Variants in ARHGEF26 observed in about 807,000 individuals in gnomAD.
The protein encoded by ARHGEF26 is Rho guanine nucleotide exchange factor 26.
A neutral mutation model predicts 89.4 loss-of-function variants in ARHGEF26; 59 were observed. That is an observed-to-expected ratio of 0.66 (90% confidence interval 0.54 to 0.82). ARHGEF26 has a LOEUF of 0.82. ARHGEF26 is among the 40% of genes least tolerant of loss of function. The probability of loss-of-function intolerance (pLI) is 0.00; values close to 1 mark genes in which losing one functional copy is unlikely to be tolerated. For missense variants in ARHGEF26, 1,234 were observed against 1,085.6 expected, an observed-to-expected ratio of 1.14 and a Z score of -1.92; for synonymous variants, 500 against 428.4, an observed-to-expected ratio of 1.17 and a Z score of -2.06.
rs1221708260 is a variant in ARHGEF26, at chr3:154,255,746, T to G, written c.*273T>G. 1 of 1,230,060 alleles carries G rather than the reference T, an allele frequency of 8.1e-7. No homozygotes were observed. Among genetic ancestry groups the G allele is most frequent in the African/African-American group, 1.5e-5 (1 of 64,926 alleles). The allele number at this position is 1,230,060 out of a possible 1,614,324, so 76.2% of individuals were successfully genotyped here. On this transcript the variant is annotated 3_prime_UTR_variant, in exon 15 of 15. Coordinates refer to ENST00000465093, the MANE Select transcript of ARHGEF26 (RefSeq NM_015595.4). ...AGTTCACTTCAGGGATCAGGTCATC[T>G]CTGCTCCTCCTAGTTTCACCATGTT...
At chr3:154,134,241 AT>A (rs1718866280) in intron 4 of ARHGEF26, among the ~76,000 whole-genome samples, 2 of 151,908 alleles carry the variant, frequency 1.3e-5, no homozygotes, top group South Asian at 4.2e-4. Context: ...TTCCAGTACT[AT>A]TGTATTAGTC....
chr3:154,131,766 CCT>C (rs1186164731), intron 4 of ARHGEF26, among the ~76,000 whole-genome samples: 1 of 152,088 alleles, frequency 6.6e-6, no homozygotes, highest in East Asian at 1.9e-4. Flanking sequence ...TCAGTTACAC[CCT>C]GATCTCAGTT....
At chr3:154,172,555 G>T (rs976787711) in intron 6 of ARHGEF26, among the ~76,000 whole-genome samples, 1 of 152,146 alleles carries the variant, frequency 6.6e-6, no homozygotes, top group African/African-American at 2.4e-5. Flanking sequence ...TTAGCTGGGC[G>T]TGGTGGTGTG....
intron 11 of ARHGEF26, among the ~76,000 whole-genome samples, chr3:154,231,707 C>T (rs1487219560): frequency 6.6e-6 from 1 of 152,128 alleles, no homozygotes; most frequent in South Asian, 2.1e-4. Context: ...GCTGAAGGTA[C>T]GGCACGCTCT....
chr3:154,239,297 AGAGTGTGTGTGTGTGTGT>A (rs1559920635), intron 11 of ARHGEF26, among the ~76,000 whole-genome samples: 25 of 52,950 alleles, frequency 4.7e-4, no homozygotes, highest in African/African-American at 1.3e-3. Context: ...AGAGAGAGAG[AGAGTGTGTGTGTGTGTGT>A]GTGTGTGTGT....
At chr3:154,158,495 C>T (rs1182202294) in intron 6 of ARHGEF26, among the ~76,000 whole-genome samples, 1 of 152,122 alleles carries the variant, frequency 6.6e-6, no homozygotes, top group East Asian at 1.9e-4. Context: ...GAGCTAAATT[C>T]TTTAAATTTA....
chr3:154,165,921 C>G (rs1005826077), intron 6 of ARHGEF26, among the ~76,000 whole-genome samples: 1 of 152,176 alleles, frequency 6.6e-6, no homozygotes, highest in African/African-American at 2.4e-5. Context: ...CTTAGCTTTG[C>G]AGACATTACC....
At chr3:154,170,059 A>G (rs568513818) in intron 6 of ARHGEF26, among the ~76,000 whole-genome samples, 3 of 151,918 alleles carry the variant, frequency 2.0e-5, no homozygotes, top group South Asian at 4.2e-4. Flanking sequence ...TAGTTTAGCT[A>G]TAAGAAAAAA....
intron 4 of ARHGEF26, among the ~76,000 whole-genome samples, chr3:154,137,933 C>T (rs1462904194): frequency 2.0e-5 from 3 of 152,096 alleles, no homozygotes; most frequent in African/African-American, 7.2e-5. Flanking sequence ...GATAATGCTG[C>T]TCTCAATTTG....
chr3:154,139,219 C>T (rs1386216292), intron 4 of ARHGEF26, among the ~76,000 whole-genome samples: 4 of 152,092 alleles, frequency 2.6e-5, no homozygotes, highest in African/African-American at 7.2e-5. Flanking sequence ...TCTTGATCTC[C>T]TTTGTGGGTT....
At chr3:154,183,457 A>G (rs192257911) in intron 6 of ARHGEF26, among the ~76,000 whole-genome samples, 1 of 152,236 alleles carries the variant, frequency 6.6e-6, no homozygotes, top group African/African-American at 2.4e-5. Context: ...CGTAAGCCAA[A>G]TTATTTCATT....
intron 9 of ARHGEF26, among the ~76,000 whole-genome samples, chr3:154,200,491 A>G (rs1378347871): frequency 1.3e-5 from 2 of 151,986 alleles, no homozygotes; most frequent in African/African-American, 4.8e-5. Flanking sequence ...AGTCAGGTAA[A>G]GTCATTCTTC....
chr3:154,206,176 GT>G (rs1440930827), intron 9 of ARHGEF26, among the ~76,000 whole-genome samples: 1 of 152,150 alleles, frequency 6.6e-6, no homozygotes, highest in Non-Finnish European at 1.5e-5. Flanking sequence ...TATGGTAAAA[GT>G]TTTTTGCCTT....
At chr3:154,199,390 A>G (rs1334582056) in intron 9 of ARHGEF26, among the ~76,000 whole-genome samples, 2 of 152,054 alleles carry the variant, frequency 1.3e-5, no homozygotes, top group Non-Finnish European at 2.9e-5. Context: ...GCAAATGACT[A>G]GATATCATTC....
chr3:154,244,784 A>T (rs1717696925), intron 12 of ARHGEF26, among the ~76,000 whole-genome samples: 1 of 152,222 alleles, frequency 6.6e-6, no homozygotes, highest in East Asian at 1.9e-4. Context: ...AAGGCCATAC[A>T]GGAAGTGAGT....
chr3:154,146,904 A>G (rs1391287327), intron 4 of ARHGEF26, among the ~76,000 whole-genome samples: 3 of 152,244 alleles, frequency 2.0e-5, no homozygotes, highest in African/African-American at 7.2e-5. Context: ...CAAGAACCTC[A>G]CATTAAATCC....
chr3:154,242,556 T>C (rs1171522583), intron 12 of ARHGEF26, among the ~76,000 whole-genome samples: 1 of 152,224 alleles, frequency 6.6e-6, no homozygotes, highest in African/African-American at 2.4e-5. Flanking sequence ...GTGAAGTTGC[T>C]GTGAGCATTG....
intron 6 of ARHGEF26, among the ~76,000 whole-genome samples, chr3:154,180,276 G>A (rs1283203108): frequency 6.6e-6 from 1 of 152,080 alleles, no homozygotes; most frequent in Non-Finnish European, 1.5e-5. Context: ...TTTTTGAGAT[G>A]ATGGACATTA....
chr3:154,188,900 C>T (rs1338290727), intron 7 of ARHGEF26, among the ~76,000 whole-genome samples: 2 of 152,086 alleles, frequency 1.3e-5, no homozygotes, highest in Admixed American at 6.5e-5. Context: ...AGGGTTTGTT[C>T]GCACAATTGA....
Sources: allele counts gnomAD v4.1 joint callset (sites outside exome capture counted in the v4.1 genomes callset), GRCh38; gene constraint gnomAD v4.1.1; transcripts MANE v1.5; gene names NCBI Gene and HGNC (gene_info 2026-07-23, HGNC 2026-07-21).